The following UBR2 variants were observed in gnomAD, a reference collection of about 807,000 sequenced individuals.
The protein encoded by UBR2 is ubiquitin protein ligase E3 component n-recognin 2, also known as E3 ubiquitin-protein ligase UBR2.
Under a neutral mutation model 247.9 loss-of-function variants are expected in UBR2, and 92 were observed. The observed-to-expected ratio is 0.37, with a 90% CI of 0.31 to 0.44. UBR2 has a LOEUF of 0.44. UBR2 is among the 20% of genes least tolerant of loss of function. The pLI, the probability that UBR2 is intolerant of heterozygous loss-of-function variation, is 1.00. For missense variants in UBR2, 1,613 were observed against 2,112.6 expected, an observed-to-expected ratio of 0.76 and a Z score of 4.64; for synonymous variants, 672 against 693.5, an observed-to-expected ratio of 0.97 and a Z score of 0.49.
chr6:42,683,192 A>C, intron 43 of UBR2, 81 bp downstream of exon 43: 2 of 1,198,962 alleles, frequency 1.7e-6, no homozygotes, highest in Non-Finnish European at 2.4e-6. Flanking sequence ...TCCTTCAGAA[A>C]CTGACTTCTC....
intron 18 of UBR2, among the ~76,000 whole-genome samples, chr6:42,643,934 G>C (rs1450850435): frequency 6.6e-6 from 1 of 152,180 alleles, no homozygotes; most frequent in African/African-American, 2.4e-5. Flanking sequence ...TAGAAGGAAA[G>C]AGAACTCATA....
At chr6:42,649,414 C>T (rs996156864) in intron 22 of UBR2, among the ~76,000 whole-genome samples, 1 of 152,144 alleles carries the variant, frequency 6.6e-6, no homozygotes, top group Non-Finnish European at 1.5e-5. Context: ...AATCCTTGTA[C>T]ATACAGCATT....
At chr6:42,618,144 G>A (rs560848719) in intron 11 of UBR2, among the ~76,000 whole-genome samples, 4 of 152,138 alleles carry the variant, frequency 2.6e-5, no homozygotes, top group Non-Finnish European at 4.4e-5. Flanking sequence ...ACCATAGTGG[G>A]AAAGACTCAC....
chr6:42,645,441 A>G (rs1196825616), intron 20 of UBR2, 25 bp from the exon 21 acceptor site: 4 of 1,604,282 alleles, frequency 2.5e-6, no homozygotes, highest in African/African-American at 2.7e-5. Context: ...AAATGTATGT[A>G]TATGTACTTT....
In UBR2 at chr6:42,670,184, A is replaced by C; in HGVS notation, c.3974A>C (p.Asp1325Ala). Residue 1325 changes from aspartate (D) to alanine (A), a missense_variant, in exon 35 of 47, where the codon GAT (aspartate) becomes GCT (alanine). By Grantham distance (126) the Asp-to-Ala change is moderately radical. Transcript: ENST00000372901. ...CTAAAGGTTCATCCCAATGAAGAGG[A>C]TCCTCGTGTTCCCATAATGTGTTGG... ...VGLKVHPNEEDPRVPIMCWGS... is the reference protein window; with the variant it reads ...VGLKVHPNEEAPRVPIMCWGS... The C allele has an allele frequency of 6.2e-7, 1 of 1,614,190 alleles. No individual in the cohort carries two copies. The highest frequency in any genetic ancestry group is 8.5e-7 in the Non-Finnish European group (1 of 1,180,030).
intron 44 of UBR2, among the ~76,000 whole-genome samples, chr6:42,687,144 T>C (rs6926140): frequency 0.17 from 25,290 of 151,472 alleles, 2,759 homozygotes; most frequent in African/African-American, 0.31. Context: ...GGCTGGGAGG[T>C]GGAGGTTGTA....
chr6:42,663,672 T>A (rs902177766), intron 32 of UBR2, among the ~76,000 whole-genome samples: 13 of 152,202 alleles, frequency 8.5e-5, no homozygotes, highest in African/African-American at 2.4e-4. Flanking sequence ...TCTGGTTTAT[T>A]TCTAGGGACC....
intron 34 of UBR2, among the ~76,000 whole-genome samples, chr6:42,668,772 T>C (rs886944206): frequency 4.6e-5 from 7 of 151,838 alleles, no homozygotes; most frequent in Non-Finnish European, 1.0e-4. Context: ...AGAGACAGGT[T>C]CTATGTTGTC....
At position 42,605,732 on chromosome 6, in the gene UBR2, A is replaced by T. The variant is rs770567208; in HGVS notation, c.674A>T (p.Asp225Val). 47 of 1,602,286 alleles carry T rather than the reference A, an allele frequency of 2.9e-5. No homozygotes were observed. The South Asian group carries it at 4.0e-4, about 14-fold the overall frequency. ...ATTTTATCACACAGAGAGAAGAGTG[A>T]CACCTACTATTGCATGCTGTTTAAT... The part of the protein sequence containing the change: ...PADLEMVEKS[D>V]TYYCMLFNDE... Residue 225 changes from aspartate to valine, a missense_variant, in exon 6 of 47, where the codon GAC (aspartate) becomes GTC (valine). Asp to Val is a radical substitution (Grantham distance 152). Transcript: ENST00000372901.
intron 11 of UBR2, among the ~76,000 whole-genome samples, chr6:42,629,956 C>G (rs775526872): frequency 2.0e-5 from 3 of 151,966 alleles, no homozygotes; most frequent in Non-Finnish European, 4.4e-5. Flanking sequence ...CGAGTCAAGG[C>G]CTTGCTGTGT....
At chr6:42,606,501 A>G in intron 6 of UBR2, 88 bp from the exon 7 acceptor site, 1 of 1,123,392 alleles carries the variant, frequency 8.9e-7, no homozygotes. Flanking sequence ...CAGAATTGTT[A>G]TATGCTTAAA....
intron 16 of UBR2, among the ~76,000 whole-genome samples, chr6:42,640,703 C>A (rs1796390767): frequency 6.6e-6 from 1 of 152,024 alleles, no homozygotes; most frequent in Admixed American, 6.6e-5. Context: ...GGAGGGTAAT[C>A]TGCTTTACTC....
chr6:42,565,317 C>T (rs1445724511), intron 1 of UBR2, among the ~76,000 whole-genome samples: 2 of 152,140 alleles, frequency 1.3e-5, no homozygotes, highest in Non-Finnish European at 2.9e-5. Flanking sequence ...ACCTCTAAGA[C>T]CTCCAATTAA....
intron 46 of UBR2, among the ~76,000 whole-genome samples, chr6:42,690,763 C>T (rs1799711697): frequency 1.3e-5 from 2 of 152,136 alleles, no homozygotes; most frequent in African/African-American, 4.8e-5. Flanking sequence ...CTCCTTATCC[C>T]CCGCAACCTC....
chr6:42,660,407 G>A (rs1025530881), intron 30 of UBR2, among the ~76,000 whole-genome samples: 3 of 152,102 alleles, frequency 2.0e-5, no homozygotes, highest in African/African-American at 4.8e-5. Flanking sequence ...GATCCAGTCC[G>A]CACATGATTT....
At chr6:42,632,509 AT>A in intron 11 of UBR2, 42 bp from the exon 12 acceptor site, 1 of 1,518,736 alleles carries the variant, frequency 6.6e-7, no homozygotes, top group Non-Finnish European at 8.8e-7. Flanking sequence ...TTCCTAGTAC[AT>A]AGTTTTTGAT....
chr6:42,676,110 A>G lies in UBR2; in HGVS notation c.4306A>G (p.Ser1436Gly), dbSNP rs754068464. The change falls in exon 39 of 47, where the codon AGC becomes GGC. Residue 1436 changes from serine (S) to glycine (G), a missense_variant. Ser to Gly is a moderately conservative substitution (Grantham distance 56). Coordinates refer to ENST00000372901, the MANE Select transcript of UBR2 (RefSeq NM_001363705.2). ...GCAGTGTCAGGATTTTTCAGGGATC[A>G]GCCTTGGCACTGGAGACCTTCACAT... Reference protein sequence around the residue: ...ALQCQDFSGISLGTGDLHIFH... With the variant: ...ALQCQDFSGIGLGTGDLHIFH... The G allele has an allele frequency of 2.5e-6, 4 of 1,613,622 alleles. No homozygotes were observed. Among genetic ancestry groups the G allele is most frequent in the African/African-American group, 2.7e-5 (2 of 75,022 alleles).
chr6:42,600,864 C>G (rs1453915339), intron 4 of UBR2, among the ~76,000 whole-genome samples: 3 of 151,754 alleles, frequency 2.0e-5, no homozygotes, highest in Admixed American at 2.0e-4. Flanking sequence ...ACTGTATTGC[C>G]CAGGCTGGTC....
chr6:42,576,725 T>G (rs1791543638), intron 2 of UBR2, among the ~76,000 whole-genome samples: 1 of 151,996 alleles, frequency 6.6e-6, no homozygotes, highest in Non-Finnish European at 1.5e-5. Flanking sequence ...TTCACCACAT[T>G]GGCCAGGCTT....
Sources: allele counts gnomAD v4.1 joint callset (sites outside exome capture counted in the v4.1 genomes callset), GRCh38; gene constraint gnomAD v4.1.1; transcripts MANE v1.5; gene names NCBI Gene and HGNC (gene_info 2026-07-23, HGNC 2026-07-21).